Variants in TP53BP1 observed in about 807,000 individuals in gnomAD.
The protein encoded by TP53BP1 is tumor protein p53 binding protein 1.
In TP53BP1, 61 loss-of-function variants were observed where a neutral mutation model predicts 200.8. That is an observed-to-expected ratio of 0.30 (90% CI 0.25 to 0.38). TP53BP1 has a LOEUF of 0.38. Among genes scored for constraint, TP53BP1 ranks in the 10% least tolerant of loss-of-function variants. The probability of loss-of-function intolerance (pLI) is 1.00; values close to 1 mark genes in which losing one functional copy is unlikely to be tolerated. For synonymous variants in TP53BP1, 822 were observed against 844.3 expected, an observed-to-expected ratio of 0.97 and a Z score of 0.46; for missense variants, 2,144 against 2,371.9, an observed-to-expected ratio of 0.90 and a Z score of 2.00.
At chr15:43,504,590 G>A (rs1345975082) in intron 1 of TP53BP1, among the ~76,000 whole-genome samples, 1 of 151,936 alleles carries the variant, frequency 6.6e-6, no homozygotes, top group Non-Finnish European at 1.5e-5. Flanking sequence ...CCACAAATAA[G>A]GTAAAGGTAA....
At chr15:43,410,019 A>C (rs2045064464) in intron 24 of TP53BP1, among the ~76,000 whole-genome samples, 1 of 152,202 alleles carries the variant, frequency 6.6e-6, no homozygotes, top group Non-Finnish European at 1.5e-5. Context: ...CGGACCGTTG[A>C]TAGGGATGGG....
chr15:43,420,905 TC>T, intron 20 of TP53BP1, 119 bp downstream of exon 20: 1 of 1,375,316 alleles, frequency 7.3e-7, no homozygotes, highest in Non-Finnish European at 9.9e-7. Flanking sequence ...CCCTGCCCAC[TC>T]CCCAGTCAGT....
chr15:43,407,613 C>A, intron 27 of TP53BP1, 43 bp from the exon 28 acceptor site: 1 of 1,555,956 alleles, frequency 6.4e-7, no homozygotes, highest in South Asian at 1.2e-5. Flanking sequence ...GGACACTCAA[C>A]TTAGCCCTCC....
intron 14 of TP53BP1, among the ~76,000 whole-genome samples, chr15:43,443,672 G>A (rs2045979087): frequency 6.6e-6 from 1 of 152,112 alleles, no homozygotes; most frequent in Non-Finnish European, 1.5e-5. Context: ...TCCAGCCTGG[G>A]TGACAGGGAG....
At position 43,446,441 on chromosome 15, in the gene TP53BP1, G is replaced by A. The variant is rs1354254967; in HGVS notation, c.2986C>T (p.Leu996=). The A allele has an allele frequency of 6.2e-7, 1 of 1,614,156 alleles. No homozygotes were observed. The highest frequency in any genetic ancestry group is 8.5e-7 in the Non-Finnish European group (1 of 1,180,030). The change falls in exon 14 of 28, where the codon CTG becomes TTG. Residue 996 remains leucine (L), a synonymous_variant. Transcript: ENST00000382044. ...VDDKLCLRMK[L]VSPETEASEE... ...CTCGCCTCAGTCTCAGGACTAACCAGTTTCATTCTTAGACATAATTTATCA... is the reference window on the plus strand; with the variant it reads ...CTCGCCTCAGTCTCAGGACTAACCAATTTCATTCTTAGACATAATTTATCA...
intron 11 of TP53BP1, among the ~76,000 whole-genome samples, chr15:43,457,669 CT>C (rs2046333707): frequency 3.7e-5 from 2 of 53,386 alleles, no homozygotes; most frequent in Non-Finnish European, 6.0e-5. Context: ...GAGACTCCAT[CT>C]CAAAAAAAAA....
intron 23 of TP53BP1, among the ~76,000 whole-genome samples, chr15:43,414,807 A>G (rs690038): frequency 0.29 from 43,820 of 151,700 alleles, 10,906 homozygotes; most frequent in African/African-American, 0.67. Flanking sequence ...CCAGGTTCAA[A>G]TGATTCTACT....
chr15:43,411,432 G>A (rs1388339433), intron 24 of TP53BP1, among the ~76,000 whole-genome samples: 1 of 152,222 alleles, frequency 6.6e-6, no homozygotes, highest in African/African-American at 2.4e-5. Context: ...TATCTCATAA[G>A]ATGAATTTAA....
rs1217423752 is a variant in TP53BP1, at chr15:43,407,300, G to A, written c.*83C>T. On this transcript the variant is annotated 3_prime_UTR_variant, in exon 28 of 28. Transcript: ENST00000382044. ...ATACAAGATCCATGCAAGGAATCCA[G>A]TTACACACAAGACACATTTAAAACC... The A allele has an allele frequency of 2.5e-6, 3 of 1,212,432 alleles. No homozygotes were observed. Among genetic ancestry groups the A allele is most frequent in the Non-Finnish European group, 3.6e-6 (3 of 840,306 alleles). The allele number at this position is 1,212,432 out of a possible 1,614,324, so 75.1% of individuals were successfully genotyped here.
chr15:43,407,765 A>AAAT, intron 27 of TP53BP1, 178 bp downstream of exon 27: 1 of 786,648 alleles, frequency 1.3e-6, no homozygotes, highest in African/African-American at 1.7e-5. Context: ...AATATTTAAC[A>AAAT]AATATACGTC....
rs149751612 is a variant in TP53BP1 at position 43,451,903 on chromosome 15, G to A, written c.2716+3989C>T. Among the ~76,000 whole-genome samples the A allele has an allele frequency of 3.4e-3, 521 of 152,324 alleles. 16 individuals are homozygous for A. The East Asian group carries it at 0.074, about 22-fold the overall frequency. Reference sequence around the variant, plus strand: ...TAATCCCGGCACTTTGAGAGGCCAAGGCAGGTGGATTACTTGAGGCCAGGA... The same window carrying A: ...TAATCCCGGCACTTTGAGAGGCCAAAGCAGGTGGATTACTTGAGGCCAGGA... On this transcript the variant is annotated intron_variant, in intron 12 of 27. Coordinates refer to ENST00000382044, the MANE Select transcript of TP53BP1 (RefSeq NM_001141980.3).
At chr15:43,494,336 C>T (rs1167783472), upstream of TP53BP1, among the ~76,000 whole-genome samples, 1 of 152,210 alleles carries the variant, frequency 6.6e-6, no homozygotes, top group Admixed American at 6.5e-5. Flanking sequence ...AGTGGAGCTT[C>T]CTACCAGTCT....
intron 18 of TP53BP1, among the ~76,000 whole-genome samples, chr15:43,423,075 A>T (rs755302535): frequency 1.3e-5 from 2 of 149,012 alleles, no homozygotes; most frequent in Non-Finnish European, 3.0e-5. Flanking sequence ...GTATCTATAG[A>T]CTACAAGAAA....
chr15:43,415,827 A>C lies in TP53BP1; in HGVS notation c.4874-18T>G, dbSNP rs2045253015. On this transcript the variant is annotated intron_variant, in intron 22 of 27. Transcript: ENST00000382044. ...CAAATTGTCTATGGCAGGATAAGCCAAACAGGTTGGTCAAACTCTATGGTA... is the reference window on the plus strand; with the variant it reads ...CAAATTGTCTATGGCAGGATAAGCCCAACAGGTTGGTCAAACTCTATGGTA... The C allele has an allele frequency of 8.1e-6, 13 of 1,610,816 alleles. No homozygotes were observed. The highest frequency in any genetic ancestry group is 1.0e-5 in the Non-Finnish European group (12 of 1,177,660).
intron 11 of TP53BP1, among the ~76,000 whole-genome samples, chr15:43,460,655 T>C (rs764829992): frequency 2.4e-4 from 37 of 152,196 alleles, no homozygotes; most frequent in Admixed American, 6.5e-4. Context: ...TCTGGTATTA[T>C]TGTTTATCCT....
chr15:43,415,065 C>G (rs941615329), intron 23 of TP53BP1, among the ~76,000 whole-genome samples: 2 of 152,096 alleles, frequency 1.3e-5, no homozygotes, highest in African/African-American at 4.8e-5. Context: ...GAGAGGGGAG[C>G]AGAATTTCCA....
chr15:43,422,554 G>A (rs2045429297), intron 18 of TP53BP1, among the ~76,000 whole-genome samples: 1 of 152,188 alleles, frequency 6.6e-6, no homozygotes, highest in Non-Finnish European at 1.5e-5. Context: ...CAGGGAAGGA[G>A]GTAGGCAGGT....
chr15:43,450,378 T>C (rs1390683053), intron 12 of TP53BP1, among the ~76,000 whole-genome samples: 1 of 152,218 alleles, frequency 6.6e-6, no homozygotes, highest in Non-Finnish European at 1.5e-5. Flanking sequence ...TAAGAATTTA[T>C]ATATCCGGCG....
chr15:43,417,383 T>A (rs906541361), intron 21 of TP53BP1, among the ~76,000 whole-genome samples: 1 of 152,186 alleles, frequency 6.6e-6, no homozygotes, highest in Non-Finnish European at 1.5e-5. Flanking sequence ...TCTCTATCTA[T>A]CCTGTGGAAT....
Sources: allele counts gnomAD v4.1 joint callset (sites outside exome capture counted in the v4.1 genomes callset), GRCh38; gene constraint gnomAD v4.1.1; transcripts MANE v1.5; gene names NCBI Gene and HGNC (gene_info 2026-07-23, HGNC 2026-07-21).